The following FAM186B variants were observed in gnomAD, a reference collection of about 807,000 sequenced individuals.
FAM186B encodes family with sequence similarity 186 member B, also known as protein FAM186B.
Under a neutral mutation model 83.4 loss-of-function variants are expected in FAM186B, and 68 were observed. The observed-to-expected ratio is 0.81, with a 90% confidence interval of 0.67 to 1.00. The LOEUF is 1.00. FAM186B is among the 50% of genes least tolerant of loss of function. FAM186B has a pLI of 0.00. For synonymous variants in FAM186B, 389 were observed against 422.0 expected, an observed-to-expected ratio of 0.92 and a Z score of 0.96; for missense variants, 983 against 1,099.2, an observed-to-expected ratio of 0.89 and a Z score of 1.49.
At position 49,604,430 on chromosome 12, in the gene FAM186B, TCTG is replaced by T. The variant is rs1173860411; in HGVS notation, c.202_204del (p.Gln68del). 6.2e-7 allele frequency: 1 copy of T among 1,614,152 alleles called. No individual in the cohort carries two copies. Among genetic ancestry groups the T allele is most frequent in the African/African-American group, 1.3e-5 (1 of 74,950 alleles). On this transcript the variant is annotated inframe_deletion, in exon 2 of 7. Coordinates refer to ENST00000257894, the MANE Select transcript of FAM186B (RefSeq NM_032130.3). ...AATCTCTTCTTGCCCTTTGGATCTCTCTGCTGAGATTTGGCATTTTCTTTTAAA... is the reference window on the plus strand; with the variant it reads ...AATCTCTTCTTGCCCTTTGGATCTCTCTGAGATTTGGCATTTTCTTTTAAA...
intron 5 of FAM186B, among the ~76,000 whole-genome samples, chr12:49,590,772 C>T (rs763979092): frequency 2.5e-4 from 38 of 152,080 alleles, no homozygotes; most frequent in Admixed American, 1.5e-3. Flanking sequence ...GGTTCCTAAC[C>T]CATAGGGCAT....
chr12:49,614,600 AAAGGG>A, the FAM186B span, among the ~76,000 whole-genome samples: 1 of 152,146 alleles, frequency 6.6e-6, no homozygotes, highest in African/African-American at 2.4e-5. Flanking sequence ...GAAAAGGAGG[AAAGGG>A]CTGAAAAACT....
rs146803298 is a variant in FAM186B at position 49,600,452 on chromosome 12, A to G, written c.1188T>C (p.Thr396=). ...AAGHQPLSTM[T]VRSRVADVFG... is the part of the protein sequence containing the mutation. ...ACACATCTGCGACCCTCGAGCGCAC[A>G]GTCATGGTGGAAAGTGGCTGGTGCC... The change falls in exon 4 of 7, where the codon ACT becomes ACC. Residue 396 remains threonine (T), a synonymous_variant. Transcript: ENST00000257894. The surrounding 1 kb of genome is among the most constrained non-coding windows in gnomAD (Gnocchi z 4.3). The G allele has an allele frequency of 4.3e-6, 7 of 1,613,304 alleles. No homozygotes were observed. The African/African-American group carries it at 6.7e-5, about 15-fold the overall frequency.
chr12:49,595,490 C>T, intron 5 of FAM186B: 1 of 470,440 alleles, frequency 2.1e-6, no homozygotes, highest in Non-Finnish European at 4.3e-6. Context: ...AGTAAAGTTA[C>T]AACACTCCCG....
chr12:49,591,170 A>G (rs1939572817), intron 5 of FAM186B, among the ~76,000 whole-genome samples: 1 of 152,224 alleles, frequency 6.6e-6, no homozygotes. Context: ...TGCTGAGATG[A>G]GGAGACAGCA....
the FAM186B span, among the ~76,000 whole-genome samples, chr12:49,622,135 T>A: frequency 5.3e-5 from 8 of 152,280 alleles, no homozygotes; most frequent in Admixed American, 5.2e-4. Flanking sequence ...TCGCCCCAGC[T>A]GCGCTGGCAT....
At chr12:49,618,069 G>A in the FAM186B span, among the ~76,000 whole-genome samples, 7 of 152,056 alleles carry the variant, frequency 4.6e-5, no homozygotes, top group Non-Finnish European at 7.4e-5. Context: ...ATGACTGGCC[G>A]GGTGTGGTGG....
At chr12:49,588,323 C>T in intron 6 of FAM186B, 131 bp downstream of exon 6, 8 of 1,170,634 alleles carry the variant, frequency 6.8e-6, no homozygotes, top group Non-Finnish European at 9.5e-6. Context: ...AAGACAGGCA[C>T]TTTGCAACTC....
Position 49,587,585 on chromosome 12 carries a change from A to T in FAM186B, c.*20T>A. On this transcript the variant is annotated 3_prime_UTR_variant, in exon 7 of 7. Transcript: ENST00000257894. Reference sequence around the variant, plus strand: ...ACCTTACTGGGCCTTCAGGAAGTTCAGGCTTTTGTGGCAGGAGGACTACAC... The same window carrying T: ...ACCTTACTGGGCCTTCAGGAAGTTCTGGCTTTTGTGGCAGGAGGACTACAC... 1.9e-6 allele frequency: 3 copies of T among 1,614,092 alleles called. No individual in the cohort carries two copies. Among genetic ancestry groups the T allele is most frequent in the South Asian group, 2.2e-5 (2 of 91,070 alleles).
At chr12:49,598,493 G>A (rs932735908) in intron 5 of FAM186B, among the ~76,000 whole-genome samples, 1 of 152,154 alleles carries the variant, frequency 6.6e-6, no homozygotes, top group Non-Finnish European at 1.5e-5. Context: ...CTCTTCCACA[G>A]ATCTTTTTGA....
rs765632091 is a variant in FAM186B, at chr12:49,598,793, G to A, written c.2326C>T (p.Arg776Ter). Residue 776 changes from arginine (R) to a stop codon, truncating the protein, a stop_gained, in exon 5 of 7, where the codon CGA becomes TGA. Coordinates refer to ENST00000257894, the MANE Select transcript of FAM186B (RefSeq NM_032130.3). LOFTEE classifies it high-confidence loss of function. ...DKQKGLEEKH[R>*]ECLSSMVTMF... ...GTCACCATGCTGCTCAGGCACTCTC[G>A]GTGCTTCTCCTCCAGCCCCTTCTGC... The A allele has an allele frequency of 2.2e-5, 36 of 1,611,824 alleles. No homozygotes were observed. The highest frequency in any genetic ancestry group is 2.2e-4 in the Admixed American group (13 of 59,886).
At chr12:49,603,148 C>G in intron 3 of FAM186B, 37 bp downstream of exon 3, 9 of 1,610,850 alleles carry the variant, frequency 5.6e-6, no homozygotes, top group Non-Finnish European at 7.6e-6. Flanking sequence ...CACCCCGTCC[C>G]CACCTAGCTC....
the FAM186B span, among the ~76,000 whole-genome samples, chr12:49,616,488 T>C: frequency 6.6e-6 from 1 of 152,152 alleles, no homozygotes; most frequent in African/African-American, 2.4e-5. Flanking sequence ...AACTGGTGAA[T>C]GGATAAACAA....
Position 49,598,751 on chromosome 12 carries a change from C to G in FAM186B, c.2364+4G>C. 1 of 1,596,916 alleles carries G rather than the reference C, an allele frequency of 6.3e-7. No individual in the cohort carries two copies. The highest frequency in any genetic ancestry group is 8.5e-7 in the Non-Finnish European group (1 of 1,174,294). ...TGGCGGGGGGGTCAGGGCGGGAGGC[C>G]CACCTTGGGGAACATGGTCACCATG... On this transcript the variant is annotated splice_donor_region_variant and intron_variant, in intron 5 of 6. Coordinates refer to ENST00000257894, the MANE Select transcript of FAM186B (RefSeq NM_032130.3).
At chr12:49,620,112 A>G in the FAM186B span, among the ~76,000 whole-genome samples, 1 of 152,130 alleles carries the variant, frequency 6.6e-6, no homozygotes, top group African/African-American at 2.4e-5. Flanking sequence ...ACTAGTGACT[A>G]GTTTACTAAC....
chr12:49,589,154 C>T (rs1283005142), intron 5 of FAM186B, among the ~76,000 whole-genome samples: 2 of 152,178 alleles, frequency 1.3e-5, no homozygotes, highest in African/African-American at 2.4e-5. Flanking sequence ...CCTCCATGGC[C>T]AAGGCTCTTC....
intron 5 of FAM186B, among the ~76,000 whole-genome samples, chr12:49,590,449 A>G (rs1939557806): frequency 6.6e-6 from 1 of 152,208 alleles, no homozygotes; most frequent in South Asian, 2.1e-4. Context: ...TGAGCATTAT[A>G]TCTCTGAATG....
At chr12:49,610,296 C>G (rs1009022686), upstream of FAM186B, among the ~76,000 whole-genome samples, 3 of 152,084 alleles carry the variant, frequency 2.0e-5, no homozygotes, top group Non-Finnish European at 2.9e-5. Context: ...GTGACACCAC[C>G]AAAGGATCGC....
chr12:49,587,768 T>C lies in FAM186B; in HGVS notation c.2535-16A>G, dbSNP rs777178567. On this transcript the variant is annotated splice_polypyrimidine_tract_variant and intron_variant, in intron 6 of 6. Transcript: ENST00000257894. ...CCCCTGTTGGCTGGGAGTGGGGAGT[T>C]TGGAGAATGTGAAAAGCAACAGAGA... 4 of 1,604,656 alleles carry C rather than the reference T, an allele frequency of 2.5e-6. No homozygotes were observed. In the South Asian group the frequency reaches 4.5e-5, roughly 18 times the overall value.
Sources: allele counts gnomAD v4.1 joint callset (sites outside exome capture counted in the v4.1 genomes callset), GRCh38; gene constraint gnomAD v4.1.1; non-coding constraint Gnocchi (gnomAD v3.1); transcripts MANE v1.5; gene names NCBI Gene and HGNC (gene_info 2026-07-23, HGNC 2026-07-21).